The following RABGAP1L variants were observed in gnomAD, a reference collection of about 807,000 sequenced individuals.
RABGAP1L encodes rab GTPase-activating protein 1-like.
Under a neutral mutation model 137.7 loss-of-function variants are expected in RABGAP1L, and 63 were observed. That is an observed-to-expected ratio of 0.46 (90% CI 0.37 to 0.56). The LOEUF (loss-of-function observed/expected upper bound fraction) is 0.56, where lower values mean the gene tolerates loss of function less well. Ranked by LOEUF, RABGAP1L falls within the 20% of genes least tolerant of loss-of-function variation. The probability of loss-of-function intolerance (pLI) is 0.00; values close to 1 mark genes in which losing one functional copy is unlikely to be tolerated. For missense variants in RABGAP1L, 1,095 were observed against 1,244.0 expected (o/e 0.88, Z 1.80); for synonymous variants, 431 against 433.7 (o/e 0.99, Z 0.08).
At chr1:174,286,908 T>TG (rs1432880897) in intron 10 of RABGAP1L, among the ~76,000 whole-genome samples, 1 of 152,162 alleles carries the variant, frequency 6.6e-6, no homozygotes, top group African/African-American at 2.4e-5. Context: ...ATACATGATA[T>TG]GATTTTAATT....
At chr1:174,900,530 C>T (rs1348807084) in intron 19 of RABGAP1L, among the ~76,000 whole-genome samples, 1 of 152,176 alleles carries the variant, frequency 6.6e-6, no homozygotes, top group Non-Finnish European at 1.5e-5. Context: ...GTTGCAAAGC[C>T]ATTCACATTC....
chr1:174,787,708 T>A (rs115027651), intron 18 of RABGAP1L, among the ~76,000 whole-genome samples: 3,216 of 152,190 alleles, frequency 0.021, 53 homozygotes, highest in Middle Eastern at 0.085. Flanking sequence ...AAATGTTTTG[T>A]TTTAGGAAGA....
intron 22 of RABGAP1L, among the ~76,000 whole-genome samples, chr1:174,977,030 G>T (rs970973035): frequency 2.0e-5 from 3 of 152,170 alleles, no homozygotes; most frequent in African/African-American, 7.2e-5. Flanking sequence ...AAGTGAGGAA[G>T]CATCTCAAAT....
chr1:174,958,867 T>C (rs773783380), intron 20 of RABGAP1L, among the ~76,000 whole-genome samples: 1 of 152,146 alleles, frequency 6.6e-6, no homozygotes, highest in African/African-American at 2.4e-5. Context: ...CTATAAAAGA[T>C]ATAGTGTTTC....
chr1:174,982,762 G>A, intron 23 of RABGAP1L, 72 bp from the exon 24 acceptor site: 3 of 1,387,288 alleles, frequency 2.2e-6, no homozygotes, highest in South Asian at 1.2e-5. Flanking sequence ...CACATGAATT[G>A]ATAAGTAGTT....
rs760640908 is a variant in RABGAP1L at position 174,371,119 on chromosome 1, A to T, written c.1559+47A>T. On this transcript the variant is annotated intron_variant, in intron 12 of 25. Transcript: ENST00000681986. ...TGAAAATTCTATATTTACATAGTTG[A>T]TGTTAATTTGTTGTATTAAAATCTG... The T allele has an allele frequency of 4.6e-6, 5 of 1,087,866 alleles. No individual in the cohort carries two copies. The South Asian group carries it at 9.5e-5, about 21-fold the overall frequency. 67.4% of individuals were successfully genotyped at this position (1,087,866 alleles called of 1,614,324 possible).
intron 1 of RABGAP1L, among the ~76,000 whole-genome samples, chr1:174,172,208 GTGTGTGTGTA>G (rs1465248015): frequency 1.1e-4 from 14 of 124,844 alleles, no homozygotes; most frequent in Non-Finnish European, 2.2e-4. Flanking sequence ...GTGTGTGTGT[GTGTGTGTGTA>G]TATATGCCAC....
rs181387508 is a variant in RABGAP1L at position 174,864,349 on chromosome 1, A to T, written c.2340+52389A>T. ...TCTCAGACCTATTTTCTTCACTCTT[A>T]TATTAGTTCATTCTCACGCTGCTAA... On this transcript the variant is annotated intron_variant, in intron 19 of 25. Coordinates refer to ENST00000681986, the MANE Select transcript of RABGAP1L (RefSeq NM_001366446.1). Among the ~76,000 whole-genome samples, 13 of 152,308 alleles carry T rather than the reference A, an allele frequency of 8.5e-5. No individual in the cohort carries two copies. The East Asian group carries it at 1.7e-3, about 20-fold the overall frequency.
intron 7 of RABGAP1L, 138 bp from the exon 8 acceptor site, chr1:174,272,276 G>T: frequency 1.4e-6 from 1 of 711,244 alleles, no homozygotes. Flanking sequence ...ACTTATTTCT[G>T]GTGTTTTTAG....
At chr1:174,457,807 A>G (rs1288620674) in intron 13 of RABGAP1L, among the ~76,000 whole-genome samples, 1 of 152,060 alleles carries the variant, frequency 6.6e-6, no homozygotes, top group Non-Finnish European at 1.5e-5. Flanking sequence ...GGCTTTAGGC[A>G]TCTTCTTAGA....
At chr1:174,909,829 T>A (rs1311160323) in intron 19 of RABGAP1L, among the ~76,000 whole-genome samples, 1 of 151,884 alleles carries the variant, frequency 6.6e-6, no homozygotes, top group Non-Finnish European at 1.5e-5. Flanking sequence ...ATAGAAAACT[T>A]CAACAAACCA....
intron 19 of RABGAP1L, among the ~76,000 whole-genome samples, chr1:174,883,458 G>A (rs533268008): frequency 6.6e-6 from 1 of 152,280 alleles, no homozygotes; most frequent in East Asian, 1.9e-4. Context: ...TGAACTAGTT[G>A]GGTTACCCTG....
At chr1:174,944,027 A>T (rs181406187) in intron 19 of RABGAP1L, among the ~76,000 whole-genome samples, 1 of 152,132 alleles carries the variant, frequency 6.6e-6, no homozygotes, top group African/African-American at 2.4e-5. Flanking sequence ...TCCCAGCACT[A>T]TGGAAGGCTT....
intron 12 of RABGAP1L, among the ~76,000 whole-genome samples, chr1:174,393,058 G>A (rs1311712186): frequency 6.6e-6 from 1 of 152,186 alleles, no homozygotes; most frequent in Non-Finnish European, 1.5e-5. Flanking sequence ...GGTCAGATGG[G>A]CATAGTAGCA....
At chr1:174,793,327 C>T (rs1362191904) in intron 18 of RABGAP1L, among the ~76,000 whole-genome samples, 2 of 152,122 alleles carry the variant, frequency 1.3e-5, no homozygotes, top group Non-Finnish European at 2.9e-5. Context: ...GGGGAAAGTT[C>T]TCCTTTCTAT....
chr1:174,911,147 TTTA>T (rs1278004065), intron 19 of RABGAP1L, among the ~76,000 whole-genome samples: 2 of 152,214 alleles, frequency 1.3e-5, no homozygotes, highest in African/African-American at 4.8e-5. Flanking sequence ...TTTTTTTATT[TTTA>T]TTGTCAAGTA....
At chr1:174,766,659 G>C (rs1189685241) in intron 18 of RABGAP1L, among the ~76,000 whole-genome samples, 1 of 152,182 alleles carries the variant, frequency 6.6e-6, no homozygotes, top group Non-Finnish European at 1.5e-5. Context: ...GGATTGCTTT[G>C]AATCTCTGTA....
At chr1:174,905,051 C>A (rs1311554582) in intron 19 of RABGAP1L, among the ~76,000 whole-genome samples, 2 of 152,190 alleles carry the variant, frequency 1.3e-5, no homozygotes, top group African/African-American at 4.8e-5. Context: ...GCACTCCAAT[C>A]ATGCACTAGC....
intron 19 of RABGAP1L, among the ~76,000 whole-genome samples, chr1:174,830,626 G>T: frequency 6.8e-6 from 1 of 146,930 alleles, no homozygotes; most frequent in South Asian, 2.3e-4. Flanking sequence ...ACAGGCATGT[G>T]CCACCATGCC....
Sources: allele counts gnomAD v4.1 joint callset (sites outside exome capture counted in the v4.1 genomes callset), GRCh38; gene constraint gnomAD v4.1.1; transcripts MANE v1.5; gene names NCBI Gene and HGNC (gene_info 2026-07-23, HGNC 2026-07-21).